The following SETD2 variants were observed in gnomAD, a reference collection of about 807,000 sequenced individuals.
SETD2 encodes histone-lysine N-methyltransferase SETD2.
SETD2 carries 31 observed loss-of-function variants against 242.1 expected under a neutral mutation model. The observed-to-expected ratio is 0.13, with a 90% CI of 0.10 to 0.17. The LOEUF is 0.17. Among genes scored for constraint, SETD2 ranks in the 10% least tolerant of loss-of-function variants. The pLI, the probability that SETD2 is intolerant of heterozygous loss-of-function variation, is 1.00. For synonymous variants in SETD2, 1,006 were observed against 1,066.5 expected (o/e 0.94, Z 1.11); for missense variants, 2,481 against 3,046.3 (o/e 0.81, Z 4.37).
At chr3:47,080,227 G>C (rs1370387909) in intron 12 of SETD2, among the ~76,000 whole-genome samples, 1 of 152,182 alleles carries the variant, frequency 6.6e-6, no homozygotes, top group Non-Finnish European at 1.5e-5. Flanking sequence ...TTGAGATAAA[G>C]ATGAAATAAG....
Position 47,029,779 on chromosome 3 carries a change from CT to C in SETD2, c.7350+7886del, listed in dbSNP as rs2038680222. Among the ~76,000 whole-genome samples, 3 of 152,306 alleles carry C rather than the reference CT, an allele frequency of 2.0e-5. No homozygotes were observed. In the South Asian group the frequency reaches 6.2e-4, roughly 32 times the overall value. ...AAGTTAGTTTGCTTAACTGCCAACA[CT>C]TAAATGCAGTTTTTCAGTTAAACAT... On this transcript the variant is annotated intron_variant, in intron 18 of 20. Transcript: ENST00000409792.
Position 47,094,755 on chromosome 3 carries a change from C to T in SETD2, c.5142+3200G>A, listed in dbSNP as rs193245478. Reference sequence around the variant, plus strand: ...GGTTCATTCTGGGATATTCCTCTATCTGGGCAAAGTTTCATATAAAACATC... The same window carrying T: ...GGTTCATTCTGGGATATTCCTCTATTTGGGCAAAGTTTCATATAAAACATC... On this transcript the variant is annotated intron_variant, in intron 9 of 20. Coordinates refer to ENST00000409792, the MANE Select transcript of SETD2 (RefSeq NM_014159.7). 5.3e-5 allele frequency among the ~76,000 whole-genome samples: 8 copies of T among 152,332 alleles called. No individual in the cohort carries two copies. In the East Asian group the frequency reaches 1.3e-3, roughly 26 times the overall value.
At chr3:47,141,463 C>A (rs2043726761) in intron 1 of SETD2, among the ~76,000 whole-genome samples, 1 of 152,076 alleles carries the variant, frequency 6.6e-6, no homozygotes, top group Non-Finnish European at 1.5e-5. Context: ...GAAAAACCCA[C>A]CTTCTAAATA....
chr3:47,069,582 C>G (rs1365634899), intron 12 of SETD2, among the ~76,000 whole-genome samples: 1 of 152,198 alleles, frequency 6.6e-6, no homozygotes, highest in Non-Finnish European at 1.5e-5. Context: ...CCTCACCCAC[C>G]CCTCCCCACA....
chr3:47,160,918 G>A (rs1697472877), intron 1 of SETD2, among the ~76,000 whole-genome samples: 1 of 152,154 alleles, frequency 6.6e-6, no homozygotes, highest in Non-Finnish European at 1.5e-5. Context: ...GAAACACAAT[G>A]TCCTCTATGC....
chr3:47,087,010 C>T (rs372686131), intron 10 of SETD2, among the ~76,000 whole-genome samples: 1 of 150,984 alleles, frequency 6.6e-6, no homozygotes, highest in South Asian at 2.1e-4. Flanking sequence ...AACTGCGTTC[C>T]AGCCTGGGCA....
At chr3:47,148,591 A>G (rs1222685129) in intron 1 of SETD2, among the ~76,000 whole-genome samples, 2 of 152,230 alleles carry the variant, frequency 1.3e-5, no homozygotes, top group Non-Finnish European at 2.9e-5. Flanking sequence ...TAAAATGAGC[A>G]CTGGTTTTTA....
Position 47,151,827 on chromosome 3 carries a change from CAA to C in SETD2, c.71+12025_71+12026del, listed in dbSNP as rs11360089. On this transcript the variant is annotated intron_variant, in intron 1 of 20. Transcript: ENST00000409792. ...GGGAGAGAGACCAAGACTCTTGTCT[CAA>C]AAAAAAAAAAAAAAAAAAGTTTGGA... Among the ~76,000 whole-genome samples the C allele has an allele frequency of 5.1e-3, 506 of 99,876 alleles. 2 individuals are homozygous for C. The highest frequency in any genetic ancestry group is 0.012 in the African/African-American group (312 of 26,042). The allele number at this position is 99,876 out of a possible 152,430, so 65.5% of individuals were successfully genotyped here. A position where few individuals can be genotyped will look rare whatever the true frequency, so the allele number is the denominator to read the frequency against.
chr3:47,162,486 G>A (rs1697519213), intron 1 of SETD2, among the ~76,000 whole-genome samples: 1 of 152,180 alleles, frequency 6.6e-6, no homozygotes. Context: ...GCAAGTAAGA[G>A]TTGGGTTTTT....
In SETD2 at chr3:47,121,407, T is replaced by C. The variant is rs114719990; in HGVS notation, c.3229A>G (p.Thr1077Ala). 2,107 of 1,610,690 alleles carry C rather than the reference T, an allele frequency of 1.3e-3. 4 individuals carry two copies. The highest frequency in any genetic ancestry group is 1.7e-3 in the Non-Finnish European group (1,969 of 1,179,988). The change falls in exon 3 of 21, where the codon ACT (threonine) becomes GCT (alanine). Residue 1077 changes from threonine (T) to alanine (A), a missense_variant. This residue lies in a region of SETD2 where 1,300 missense variants were observed against 1,259.2 expected (regional missense o/e 1.03). Transcript: ENST00000409792. ...QSVVVVPKNS[T>A]LPMEETSPCS... ...GGACTTGTTTCTTCCATGGGCAAAG[T>C]AGAATTCTTTGGCACAACCACAACA... is the stretch of plus-strand genomic sequence containing the variant.
At chr3:47,095,735 T>C (rs1176906731) in intron 9 of SETD2, among the ~76,000 whole-genome samples, 1 of 149,572 alleles carries the variant, frequency 6.7e-6, no homozygotes, top group Non-Finnish European at 1.5e-5. Context: ...GGAAAATATG[T>C]CAATAAACTG....
At chr3:47,082,234 A>T (rs2041346072) in intron 12 of SETD2, among the ~76,000 whole-genome samples, 1 of 152,252 alleles carries the variant, frequency 6.6e-6, no homozygotes, top group Non-Finnish European at 1.5e-5. Flanking sequence ...ATTACTTCTT[A>T]GCAGTTTTAA....
At chr3:47,155,781 G>A (rs764801031) in intron 1 of SETD2, among the ~76,000 whole-genome samples, 6 of 152,156 alleles carry the variant, frequency 3.9e-5, no homozygotes, top group Non-Finnish European at 5.9e-5. Flanking sequence ...ACTCCAGCCT[G>A]GGTGACAGAG....
chr3:47,082,879 G>A (rs1296574453), intron 12 of SETD2, among the ~76,000 whole-genome samples: 1 of 152,162 alleles, frequency 6.6e-6, no homozygotes, highest in African/African-American at 2.4e-5. Context: ...TGTTCATCTT[G>A]CTGCAAAGAG....
intron 15 of SETD2, among the ~76,000 whole-genome samples, chr3:47,051,557 T>TC (rs2039846497): frequency 6.6e-6 from 1 of 152,128 alleles, no homozygotes; most frequent in South Asian, 2.1e-4. Flanking sequence ...CTTTTAAAGC[T>TC]CCCCCTAAGA....
At position 47,017,622 on chromosome 3, in the gene SETD2, AAAGC is replaced by A. The variant is rs1178328247; in HGVS notation, c.7533+12_7533+15del. The A allele has an allele frequency of 2.5e-6, 4 of 1,582,626 alleles. No individual in the cohort carries two copies. The African/African-American group carries it at 5.4e-5, about 21-fold the overall frequency. On this transcript the variant is annotated intron_variant, in intron 20 of 20. Transcript: ENST00000409792. The surrounding 1 kb of genome is among the most constrained non-coding windows in gnomAD (Gnocchi z 4.8). ...CAGAACATTGCCTGGTGGGCTACCA[AAAGC>A]AAGGGGAGTACCTTGCGAGCCAGAT...
At chr3:47,090,717 C>T (rs775420048) in intron 9 of SETD2, among the ~76,000 whole-genome samples, 8 of 151,872 alleles carry the variant, frequency 5.3e-5, no homozygotes, top group Non-Finnish European at 8.8e-5. Context: ...ATAATTTGTG[C>T]GGCAATAACA....
intron 12 of SETD2, among the ~76,000 whole-genome samples, chr3:47,076,428 C>A (rs543282118): frequency 6.6e-6 from 1 of 152,262 alleles, no homozygotes; most frequent in South Asian, 2.1e-4. Context: ...ATTTATATTT[C>A]CGAAAGATTG....
chr3:47,144,341 A>G (rs2043803413), intron 1 of SETD2, among the ~76,000 whole-genome samples: 1 of 152,068 alleles, frequency 6.6e-6, no homozygotes, highest in Non-Finnish European at 1.5e-5. Flanking sequence ...AAAAAATTAT[A>G]AAAATAAATA....
Sources: gnomAD v4.1 joint callset for allele counts (sites outside exome capture counted in the v4.1 genomes callset) on GRCh38, gnomAD v4.1.1 for gene constraint, gnomAD v4.1.1 regional missense constraint, Gnocchi (gnomAD v3.1) non-coding constraint, MANE v1.5 for transcripts, NCBI Gene and HGNC (gene_info 2026-07-23, HGNC 2026-07-21) for gene names.